Variants in TNKS observed in about 807,000 individuals in gnomAD.
TNKS encodes the protein poly [ADP-ribose] polymerase tankyrase-1.
TNKS carries 72 observed loss-of-function variants against 135.8 expected under a neutral mutation model. That is an observed-to-expected ratio of 0.53 (90% CI 0.44 to 0.64). The LOEUF is 0.64. Among genes scored for constraint, TNKS ranks in the 30% least tolerant of loss-of-function variants. The pLI is 0.00. For synonymous variants in TNKS, 849 were observed against 649.3 expected (o/e 1.31, Z -4.68); for missense variants, 1,769 against 1,674.0 (o/e 1.06, Z -0.99).
intron 2 of TNKS, among the ~76,000 whole-genome samples, chr8:9,609,050 C>A (rs1030602521): frequency 6.6e-5 from 10 of 151,942 alleles, no homozygotes; most frequent in African/African-American, 1.9e-4. Flanking sequence ...CTGTTTAATT[C>A]TTTTATACAT....
At chr8:9,640,353 A>T (rs1563136004) in intron 3 of TNKS, among the ~76,000 whole-genome samples, 1 of 149,808 alleles carries the variant, frequency 6.7e-6, no homozygotes, top group Non-Finnish European at 1.5e-5. Flanking sequence ...TCATGACCTA[A>T]TCACCTCTTA....
intron 26 of TNKS, 24 bp from the exon 27 acceptor site, chr8:9,776,626 T>C: frequency 6.2e-7 from 1 of 1,609,240 alleles, no homozygotes; most frequent in Non-Finnish European, 8.5e-7. Flanking sequence ...AAGGGTGATT[T>C]GTTTTTCTTC....
At chr8:9,697,258 A>C (rs1164375181) in intron 5 of TNKS, among the ~76,000 whole-genome samples, 1 of 152,160 alleles carries the variant, frequency 6.6e-6, no homozygotes, top group Non-Finnish European at 1.5e-5. Flanking sequence ...ATGCAGAAGA[A>C]TGAAATGGGA....
chr8:9,594,012 G>A (rs942848112), intron 2 of TNKS, among the ~76,000 whole-genome samples: 1 of 151,970 alleles, frequency 6.6e-6, no homozygotes, highest in Admixed American at 6.6e-5. Flanking sequence ...TCAGCCTCCC[G>A]AATAGCTGGG....
At chr8:9,653,445 G>T (rs1347562809) in intron 3 of TNKS, among the ~76,000 whole-genome samples, 2 of 152,014 alleles carry the variant, frequency 1.3e-5, no homozygotes, top group Admixed American at 6.5e-5. Flanking sequence ...AGACCAGGAG[G>T]TCCAAGATTG....
chr8:9,757,208 C>T lies in TNKS; in HGVS notation c.3154-4308C>T, dbSNP rs147356456. The stretch of plus-strand genomic sequence containing the variant: ...GTCAGGCTGGTCTCAAACTCCTGAC[C>T]CCGTGATCTGCCCGCCTTGGCCTCC... On this transcript the variant is annotated intron_variant, in intron 20 of 26. Coordinates refer to ENST00000310430, the MANE Select transcript of TNKS (RefSeq NM_003747.3). Among the ~76,000 whole-genome samples, 110 of 152,220 alleles carry T rather than the reference C, an allele frequency of 7.2e-4. 2 individuals carry two copies. In the East Asian group the frequency reaches 0.02, roughly 27 times the overall value.
intron 11 of TNKS, among the ~76,000 whole-genome samples, chr8:9,719,810 A>G (rs1202573127): frequency 2.0e-5 from 3 of 152,222 alleles, no homozygotes; most frequent in Admixed American, 6.5e-5. Flanking sequence ...CTTCCTGTGT[A>G]TAATAACTCT....
chr8:9,620,572 C>A (rs559469403), intron 3 of TNKS, among the ~76,000 whole-genome samples: 1 of 152,204 alleles, frequency 6.6e-6, no homozygotes, highest in Non-Finnish European at 1.5e-5. Context: ...TGATCTGGCT[C>A]CTGCCTTGCA....
chr8:9,756,827 T>A (rs1356318582), intron 20 of TNKS, among the ~76,000 whole-genome samples: 1 of 152,190 alleles, frequency 6.6e-6, no homozygotes, highest in Non-Finnish European at 1.5e-5. Context: ...CCATTTTATC[T>A]TCTTCTTATT....
chr8:9,609,355 T>C (rs1188010950), intron 2 of TNKS, among the ~76,000 whole-genome samples: 2 of 152,208 alleles, frequency 1.3e-5, no homozygotes, highest in Non-Finnish European at 2.9e-5. Context: ...GCTTTAGATA[T>C]CGTAGACACC....
Position 9,580,249 on chromosome 8 carries a change from A to G in TNKS, c.764A>G (p.Asn255Ser). The change falls in exon 2 of 27, where the codon AAT (asparagine) becomes AGT (serine). Residue 255 changes from asparagine (N) to serine (S), a missense_variant. Transcript: ENST00000310430. ...RDDGGLIPLH[N>S]ACSFGHAEVV... ...GATGGAGGTCTCATCCCGCTTCATA[A>G]TGCCTGTTCTTTTGGCCATGCTGAG... 6.2e-7 allele frequency: 1 copy of G among 1,614,180 alleles called. No individual in the cohort carries two copies. Among genetic ancestry groups the G allele is most frequent in the South Asian group, 1.1e-5 (1 of 91,076 alleles).
At chr8:9,694,383 C>T (rs187477383) in intron 5 of TNKS, among the ~76,000 whole-genome samples, 125 of 152,252 alleles carry the variant, frequency 8.2e-4, no homozygotes, top group African/African-American at 2.8e-3. Context: ...GACAGATACA[C>T]AAGTAAATAA....
At chr8:9,670,872 T>C (rs991785881) in intron 3 of TNKS, 2 of 152,238 alleles carry the variant, frequency 1.3e-5, no homozygotes, top group Non-Finnish European at 2.9e-5. Flanking sequence ...AATTTGTCCA[T>C]AATAAATGTT....
At chr8:9,661,737 A>T (rs927454663) in intron 3 of TNKS, among the ~76,000 whole-genome samples, 1 of 152,248 alleles carries the variant, frequency 6.6e-6, no homozygotes, top group African/African-American at 2.4e-5. Context: ...GACAAATGGG[A>T]TCTAATTAAA....
intron 26 of TNKS, among the ~76,000 whole-genome samples, chr8:9,772,817 G>GTGTGTT (rs1554490652): frequency 2.5e-5 from 2 of 78,878 alleles, no homozygotes; most frequent in East Asian, 6.7e-4. Flanking sequence ...GTTTGTGTGT[G>GTGTGTT]TGTGTGTGTG....
Position 9,724,270 on chromosome 8 carries a change from C to T in TNKS, c.1922-2371C>T, listed in dbSNP as rs188830459. 5.5e-4 allele frequency among the ~76,000 whole-genome samples: 84 copies of T among 152,006 alleles called. 1 individual carries two copies. In the East Asian group the frequency reaches 0.011, roughly 20 times the overall value. On this transcript the variant is annotated intron_variant, in intron 12 of 26. Coordinates refer to ENST00000310430, the MANE Select transcript of TNKS (RefSeq NM_003747.3). ...TTCAAGCCCAGCTTGGGCAACATGG[C>T]GAAACCCCGTCTCTACTTAAAAATT...
At chr8:9,720,857 G>C (rs141207184) in intron 12 of TNKS, among the ~76,000 whole-genome samples, 158 of 152,288 alleles carry the variant, frequency 1.0e-3, no homozygotes, top group African/African-American at 3.6e-3. Context: ...ATCAAATAGA[G>C]AAAATTATAA....
intron 5 of TNKS, among the ~76,000 whole-genome samples, chr8:9,696,578 A>C (rs1326559531): frequency 6.6e-6 from 1 of 152,200 alleles, no homozygotes; most frequent in African/African-American, 2.4e-5. Context: ...AGGCTGCTAG[A>C]ACTGATAAAC....
intron 25 of TNKS, among the ~76,000 whole-genome samples, chr8:9,769,406 G>A (rs976966696): frequency 1.3e-5 from 2 of 152,060 alleles, no homozygotes; most frequent in Non-Finnish European, 2.9e-5. Flanking sequence ...AAGTACTTTC[G>A]TTCATGATCC....
Sources: gnomAD v4.1 joint callset for allele counts (sites outside exome capture counted in the v4.1 genomes callset) on GRCh38, gnomAD v4.1.1 for gene constraint, MANE v1.5 for transcripts, NCBI Gene and HGNC (gene_info 2026-07-23, HGNC 2026-07-21) for gene names.